The following KCNIP4 variants were observed in gnomAD, a reference collection of about 807,000 sequenced individuals.
KCNIP4 encodes the protein Kv channel-interacting protein 4.
A neutral mutation model predicts 34.0 loss-of-function variants in KCNIP4; 12 were observed. That is an observed-to-expected ratio of 0.35 (90% CI 0.23 to 0.57). The LOEUF (loss-of-function observed/expected upper bound fraction) is 0.57, where lower values mean the gene tolerates loss of function less well. KCNIP4 is among the 20% of genes least tolerant of loss of function. The pLI, the probability that KCNIP4 is intolerant of heterozygous loss-of-function variation, is 0.83. For synonymous variants in KCNIP4, 124 were observed against 102.2 expected (o/e 1.21, Z -1.29); for missense variants, 238 against 311.7 (o/e 0.76, Z 1.78).
At chr4:21,217,418 A>G (rs575003440) in intron 1 of KCNIP4, among the ~76,000 whole-genome samples, 6 of 152,274 alleles carry the variant, frequency 3.9e-5, no homozygotes, top group Admixed American at 3.9e-4. Flanking sequence ...TGGGAGCACA[A>G]AAGAAGAATT....
At chr4:21,031,740 A>G (rs1182420144) in intron 1 of KCNIP4, among the ~76,000 whole-genome samples, 2 of 152,224 alleles carry the variant, frequency 1.3e-5, no homozygotes, top group Non-Finnish European at 2.9e-5. Context: ...GGATCCATTG[A>G]AAAGCTAACT....
intron 1 of KCNIP4, among the ~76,000 whole-genome samples, chr4:20,885,705 T>C (rs146605353): frequency 6.9e-4 from 105 of 152,320 alleles, no homozygotes; most frequent in African/African-American, 2.3e-3. Context: ...TTACAGTATC[T>C]GCTTCAAAAA....
intron 1 of KCNIP4, among the ~76,000 whole-genome samples, chr4:21,034,441 T>C (rs2149768852): frequency 6.6e-6 from 1 of 152,314 alleles, no homozygotes; most frequent in African/African-American, 2.4e-5. Flanking sequence ...GTTTCTCCTT[T>C]CAAATGCAGA....
chr4:21,453,837 C>T lies in KCNIP4; in HGVS notation c.61+494734G>A, dbSNP rs564476988. Among the ~76,000 whole-genome samples the T allele has an allele frequency of 3.3e-5, 5 of 152,196 alleles. No homozygotes were observed. The South Asian group carries it at 1.0e-3, about 32-fold the overall frequency. On this transcript the variant is annotated intron_variant, in intron 1 of 8. Coordinates refer to ENST00000382152, the MANE Select transcript of KCNIP4 (RefSeq NM_025221.6). ...TCTCTTTGCCAGGGAAGCAGTGCTG[C>T]GTGATGGCTGAGCACCTAAGCTCTA...
intron 1 of KCNIP4, among the ~76,000 whole-genome samples, chr4:21,936,521 G>T (rs190678443): frequency 6.6e-6 from 1 of 152,170 alleles, no homozygotes; most frequent in African/African-American, 2.4e-5. Context: ...AGGATGGGTT[G>T]TTATATTAGA....
chr4:21,658,690 C>T (rs527281004), intron 1 of KCNIP4, among the ~76,000 whole-genome samples: 13 of 152,252 alleles, frequency 8.5e-5, no homozygotes, highest in African/African-American at 2.6e-4. Context: ...CATGAGCCAC[C>T]GCGCCAGGCC....
chr4:21,590,538 G>A (rs953976428), intron 1 of KCNIP4, among the ~76,000 whole-genome samples: 8 of 151,426 alleles, frequency 5.3e-5, no homozygotes, highest in East Asian at 1.9e-4. Context: ...AAAGAAAGGA[G>A]GAAAGAAGAA....
At chr4:20,910,822 C>T (rs1728257625) in intron 1 of KCNIP4, among the ~76,000 whole-genome samples, 1 of 152,124 alleles carries the variant, frequency 6.6e-6, no homozygotes, top group Admixed American at 6.5e-5. Context: ...CTTGGTTTTG[C>T]CTAGATCCTC....
intron 1 of KCNIP4, among the ~76,000 whole-genome samples, chr4:21,038,008 G>A (rs895046985): frequency 6.6e-6 from 1 of 152,142 alleles, no homozygotes; most frequent in Non-Finnish European, 1.5e-5. Flanking sequence ...CTTTGAGACG[G>A]AGTCTCGCTC....
chr4:20,974,448 T>C (rs1735285585), intron 1 of KCNIP4, among the ~76,000 whole-genome samples: 2 of 152,052 alleles, frequency 1.3e-5, no homozygotes. Flanking sequence ...GGAGGAAGGG[T>C]GGCACTTGTA....
chr4:21,681,171 C>T (rs1750311913), intron 1 of KCNIP4, among the ~76,000 whole-genome samples: 1 of 152,110 alleles, frequency 6.6e-6, no homozygotes, highest in South Asian at 2.1e-4. Context: ...ATCTCCCTAG[C>T]TCATGCAACC....
chr4:21,859,956 G>A (rs1724978539), intron 1 of KCNIP4, among the ~76,000 whole-genome samples: 3 of 152,122 alleles, frequency 2.0e-5, no homozygotes, highest in Non-Finnish European at 1.5e-5. Flanking sequence ...TGGAAGGATT[G>A]CTTGAGCCCT....
chr4:21,526,998 G>A (rs1304278203), intron 1 of KCNIP4, among the ~76,000 whole-genome samples: 2 of 152,132 alleles, frequency 1.3e-5, no homozygotes, highest in Non-Finnish European at 2.9e-5. Flanking sequence ...CCCTTAGGCT[G>A]ACAATAATGC....
At chr4:20,835,070 C>T (rs1246166143) in intron 3 of KCNIP4, among the ~76,000 whole-genome samples, 1 of 152,136 alleles carries the variant, frequency 6.6e-6, no homozygotes, top group Non-Finnish European at 1.5e-5. Context: ...GATTCTGTTG[C>T]TTACCATCAA....
intron 1 of KCNIP4, among the ~76,000 whole-genome samples, chr4:21,441,457 A>G (rs1727474014): frequency 6.6e-6 from 1 of 151,858 alleles, no homozygotes; most frequent in Admixed American, 6.6e-5. Flanking sequence ...CACCTTTCTT[A>G]ATGTCCCTTT....
chr4:20,832,551 T>G (rs575818243), intron 3 of KCNIP4, among the ~76,000 whole-genome samples: 1 of 152,306 alleles, frequency 6.6e-6, no homozygotes, highest in South Asian at 2.1e-4. Flanking sequence ...GGTCATATTA[T>G]ATGCATGTCT....
chr4:21,776,372 T>C (rs1172269600), intron 1 of KCNIP4, among the ~76,000 whole-genome samples: 1 of 152,194 alleles, frequency 6.6e-6, no homozygotes, highest in Non-Finnish European at 1.5e-5. Context: ...TTGCTGTTTC[T>C]AGTTGGCCAT....
At chr4:21,578,353 A>AAAAAG (rs1560531514) in intron 1 of KCNIP4, among the ~76,000 whole-genome samples, 1 of 135,826 alleles carries the variant, frequency 7.4e-6, no homozygotes, top group Non-Finnish European at 1.5e-5. Context: ...AAAAAAAAAA[A>AAAAAG]AAAAAGAGTT....
chr4:20,858,253 C>T (rs900545769), intron 2 of KCNIP4, among the ~76,000 whole-genome samples: 1 of 138,050 alleles, frequency 7.2e-6, no homozygotes, highest in African/African-American at 2.7e-5. Flanking sequence ...GAGGAAGACA[C>T]GAGGAATGTG....
Sources: allele counts gnomAD v4.1 joint callset (sites outside exome capture counted in the v4.1 genomes callset), GRCh38; gene constraint gnomAD v4.1.1; transcripts MANE v1.5; gene names NCBI Gene and HGNC (gene_info 2026-07-23, HGNC 2026-07-21).